Variants in PXK observed in about 807,000 individuals in gnomAD.
PXK encodes the protein PX domain-containing protein kinase-like protein.
PXK carries 35 observed loss-of-function variants against 84.7 expected under a neutral mutation model. The observed-to-expected ratio is 0.41, with a 90% CI of 0.32 to 0.55. The LOEUF (loss-of-function observed/expected upper bound fraction) is 0.55. Among genes scored for constraint, PXK ranks in the 20% least tolerant of loss-of-function variants. PXK has a pLI of 0.21. For synonymous variants in PXK, 253 were observed against 260.8 expected (o/e 0.97, Z 0.29); for missense variants, 634 against 699.7 (o/e 0.91, Z 1.06).
rs2060155696 is a variant in PXK at position 58,411,229 on chromosome 3, A to G, written c.1465+1070A>G. ...ATTAGGCTGCAGCCCAGAGGGCTGC[A>G]TGAGCCACAGCTGGAGAATGCAAGT... On this transcript the variant is annotated intron_variant, in intron 16 of 17. Transcript: ENST00000356151. The surrounding 1 kb of genome is among the most constrained non-coding windows in gnomAD (Gnocchi z 4.2). 1.3e-5 allele frequency among the ~76,000 whole-genome samples: 2 copies of G among 152,220 alleles called. No homozygotes were observed. Among genetic ancestry groups the G allele is most frequent in the Admixed American group, 6.5e-5 (1 of 15,284 alleles).
rs2059579082 is a variant in PXK at position 58,407,554 on chromosome 3, TA to T, written c.1231-1369del. Among the ~76,000 whole-genome samples the T allele has an allele frequency of 2.0e-5, 3 of 151,958 alleles. No individual in the cohort carries two copies. Among genetic ancestry groups the T allele is most frequent in the African/African-American group, 7.2e-5 (3 of 41,406 alleles). ...CCAATGTTTTATTTATTTATTTATT[TA>T]TTTATTTTTCTTTTTTTCTTTTGGA... On this transcript the variant is annotated intron_variant, in intron 13 of 17. Transcript: ENST00000356151. This position sits in a 1 kb window ranked among gnomAD's most constrained non-coding sequence, Gnocchi z 4.3.
intron 7 of PXK, 129 bp from the exon 8 acceptor site, chr3:58,394,869 G>C: frequency 6.4e-6 from 4 of 626,100 alleles, no homozygotes; most frequent in Non-Finnish European, 8.5e-6. Context: ...ATGTGTTCAG[G>C]GAATATCACT....
At chr3:58,413,089 C>G (rs1273354692) in intron 17 of PXK, 126 bp downstream of exon 17, 1 of 970,210 alleles carries the variant, frequency 1.0e-6, no homozygotes, top group Non-Finnish European at 1.6e-6. Flanking sequence ...CAAGAGAAAT[C>G]AGTGGGAGTG....
Position 58,395,119 on chromosome 3 carries a change from A to G in PXK, c.720+17A>G. 6.4e-7 allele frequency: 1 copy of G among 1,568,380 alleles called. No individual in the cohort carries two copies. The highest frequency in any genetic ancestry group is 8.8e-7 in the Non-Finnish European group (1 of 1,139,412). On this transcript the variant is annotated intron_variant, in intron 8 of 17. Coordinates refer to ENST00000356151, the MANE Select transcript of PXK (RefSeq NM_017771.5). The stretch of plus-strand genomic sequence containing the variant: ...ATCTACAAGGTACCTGTGCAAGTTC[A>G]TGGTCATAAGGAATTCTCAAGTTCC...
At chr3:58,378,967 G>A (rs180821682) in intron 3 of PXK, among the ~76,000 whole-genome samples, 23 of 152,038 alleles carry the variant, frequency 1.5e-4, no homozygotes, top group African/African-American at 5.3e-4. Flanking sequence ...CTGTTGCCCA[G>A]GCTGGAGGGC....
chr3:58,355,614 A>G (rs1037331808), intron 1 of PXK, among the ~76,000 whole-genome samples: 2 of 152,254 alleles, frequency 1.3e-5, no homozygotes, highest in African/African-American at 2.4e-5. Context: ...GAAATCCCAC[A>G]TACCCTTTCA....
At chr3:58,369,118 G>A (rs984990616) in intron 2 of PXK, among the ~76,000 whole-genome samples, 1 of 152,078 alleles carries the variant, frequency 6.6e-6, no homozygotes, top group African/African-American at 2.4e-5. Context: ...CTTTCTAGGT[G>A]CCTGGTTAAT....
chr3:58,412,767 CTCA>C lies in PXK; in HGVS notation c.1466-128_1466-126del. The C allele has an allele frequency of 1.1e-6, 1 of 871,608 alleles. No homozygotes were observed. Among genetic ancestry groups the C allele is most frequent in the East Asian group, 2.5e-5 (1 of 40,778 alleles). The allele number at this position is 871,608 out of a possible 1,614,324, so 54.0% of individuals were successfully genotyped here. On this transcript the variant is annotated intron_variant, in intron 16 of 17. Coordinates refer to ENST00000356151, the MANE Select transcript of PXK (RefSeq NM_017771.5). This position sits in a 1 kb window ranked among gnomAD's most constrained non-coding sequence, Gnocchi z 6.2. ...GGTCCGGTCTCTGAGTTTTTTGTCCCTCATCATCTTGTTTCACAAGGCTCACAC... is the reference window on the plus strand; with the variant it reads ...GGTCCGGTCTCTGAGTTTTTTGTCCCTCATCTTGTTTCACAAGGCTCACAC...
chr3:58,365,440 G>T (rs1194690868), intron 1 of PXK, among the ~76,000 whole-genome samples: 1 of 152,182 alleles, frequency 6.6e-6, no homozygotes, highest in African/African-American at 2.4e-5. Context: ...GACTTGGAAA[G>T]AATGTGTATT....
intron 6 of PXK, among the ~76,000 whole-genome samples, chr3:58,391,504 C>CAA (rs10691351): frequency 0.096 from 14,402 of 149,990 alleles, 831 homozygotes; most frequent in African/African-American, 0.14. Flanking sequence ...GTTTACTTCC[C>CAA]AAAAAAAAAA....
intron 2 of PXK, among the ~76,000 whole-genome samples, chr3:58,367,835 A>G (rs1302239797): frequency 6.6e-6 from 1 of 152,056 alleles, no homozygotes; most frequent in Non-Finnish European, 1.5e-5. Flanking sequence ...GGCAGGTGCC[A>G]CTATGCCCAA....
intron 17 of PXK, among the ~76,000 whole-genome samples, chr3:58,420,336 G>A (rs1220024199): frequency 6.6e-6 from 1 of 152,196 alleles, no homozygotes; most frequent in African/African-American, 2.4e-5. Context: ...AAATACGTTT[G>A]CCATGTTTTA....
At chr3:58,378,633 C>T (rs1231739116) in intron 3 of PXK, among the ~76,000 whole-genome samples, 1 of 150,020 alleles carries the variant, frequency 6.7e-6, no homozygotes, top group East Asian at 2.0e-4. Context: ...CTCCCAGGTT[C>T]AAGCGATTCT....
Position 58,399,193 on chromosome 3 carries a change from G to T in PXK, c.1103-106G>T. ...GTGTGAAGATTTTTGACACTGTCCT[G>T]ATCAGCCCGCAGACAGTTATTGCAA... On this transcript the variant is annotated intron_variant, in intron 11 of 17. Transcript: ENST00000356151. This position sits in a 1 kb window ranked among gnomAD's most constrained non-coding sequence, Gnocchi z 4.3. 1 of 962,426 alleles carries T rather than the reference G, an allele frequency of 1.0e-6. No homozygotes were observed. Among genetic ancestry groups the T allele is most frequent in the South Asian group, 1.4e-5 (1 of 72,744 alleles). 59.6% of individuals were successfully genotyped at this position (962,426 alleles called of 1,614,324 possible).
rs1341286190 is a variant in PXK, at chr3:58,425,809, G to A, written c.*849G>A. The A allele has an allele frequency of 6.6e-6, 1 of 152,168 alleles. No individual in the cohort carries two copies. The allele number at this position is 152,168 out of a possible 1,614,324, so 9.4% of individuals were successfully genotyped here. ...AGATTTATCTAAATATATCAATATA[G>A]CATCTCTTTAATGTTAGTCATTTAT... On this transcript the variant is annotated 3_prime_UTR_variant, in exon 18 of 18. Coordinates refer to ENST00000356151, the MANE Select transcript of PXK (RefSeq NM_017771.5).
intron 12 of PXK, 86 bp from the exon 13 acceptor site, chr3:58,403,776 G>T (rs1398700076): frequency 2.6e-6 from 2 of 773,970 alleles, no homozygotes; most frequent in Non-Finnish European, 2.0e-6. Flanking sequence ...GACCTCATGG[G>T]CTAAAGGTGT....
Position 58,421,531 on chromosome 3 carries a change from G to C in PXK, c.1529-3221G>C. The C allele has an allele frequency of 1.1e-6, 1 of 934,712 alleles. No homozygotes were observed. Among genetic ancestry groups the C allele is most frequent in the Non-Finnish European group, 1.3e-6 (1 of 781,924 alleles). The allele number at this position is 934,712 out of a possible 1,614,324, so 57.9% of individuals were successfully genotyped here. A position where few individuals can be genotyped will look rare whatever the true frequency, so the allele number is the denominator to read the frequency against. On this transcript the variant is annotated intron_variant, in intron 17 of 17. Transcript: ENST00000356151. This position sits in a 1 kb window ranked among gnomAD's most constrained non-coding sequence, Gnocchi z 5.5. ...GGAGGCGGAGCTTGCAGTGAGCCGA[G>C]ATCGCGCCACTGCACTCCAGCCTGG...
chr3:58,409,084 C>A lies in PXK; in HGVS notation c.1308+83C>A. On this transcript the variant is annotated intron_variant, in intron 14 of 17. Coordinates refer to ENST00000356151, the MANE Select transcript of PXK (RefSeq NM_017771.5). This position sits in a 1 kb window ranked among gnomAD's most constrained non-coding sequence, Gnocchi z 4.2. ...TTATAGTGATTGACCTTTGACTGTT[C>A]CCTCTGCAAATATTTTAAGCATACT... is the stretch of plus-strand genomic sequence containing the variant. The A allele has an allele frequency of 2.0e-6, 2 of 1,018,522 alleles. No individual in the cohort carries two copies. Among genetic ancestry groups the A allele is most frequent in the Non-Finnish European group, 3.0e-6 (2 of 668,080 alleles). The allele number at this position is 1,018,522 out of a possible 1,614,324, so 63.1% of individuals were successfully genotyped here.
Position 58,390,454 on chromosome 3 carries a change from T to A in PXK, c.389-128T>A. The A allele has an allele frequency of 2.0e-6, 1 of 492,324 alleles. No individual in the cohort carries two copies. The highest frequency in any genetic ancestry group is 5.4e-4 in the Middle Eastern group (1 of 1,846). The allele number at this position is 492,324 out of a possible 1,614,324, so 30.5% of individuals were successfully genotyped here. A position where few individuals can be genotyped will look rare whatever the true frequency, so the allele number is the denominator to read the frequency against. The stretch of plus-strand genomic sequence containing the variant: ...GTATTTTCTTTCTTTATTATTATTT[T>A]TTTTTTGGTAATTAAGTTTTTTAAA... On this transcript the variant is annotated intron_variant, in intron 4 of 17. Coordinates refer to ENST00000356151, the MANE Select transcript of PXK (RefSeq NM_017771.5). This position sits in a 1 kb window ranked among gnomAD's most constrained non-coding sequence, Gnocchi z 4.2.
Sources: gnomAD v4.1 joint callset for allele counts (sites outside exome capture counted in the v4.1 genomes callset) on GRCh38, gnomAD v4.1.1 for gene constraint, Gnocchi (gnomAD v3.1) non-coding constraint, MANE v1.5 for transcripts, NCBI Gene and HGNC (gene_info 2026-07-23, HGNC 2026-07-21) for gene names.